Variants in ALOX5 observed in about 807,000 individuals in gnomAD.
The protein encoded by ALOX5 is polyunsaturated fatty acid 5-lipoxygenase.
In ALOX5, 64 loss-of-function variants were observed where a neutral mutation model predicts 87.9. That is an observed-to-expected ratio of 0.73 (90% confidence interval 0.60 to 0.90). The LOEUF (loss-of-function observed/expected upper bound fraction) is 0.90, where lower values mean the gene tolerates loss of function less well. Among genes scored for constraint, ALOX5 ranks in the 40% least tolerant of loss-of-function variants. The pLI is 0.00. For missense variants in ALOX5, 822 were observed against 907.5 expected (o/e 0.91, Z 1.21); for synonymous variants, 388 against 355.1 (o/e 1.09, Z -1.04).
chr10:45,398,229 G>A (rs1447532563), intron 3 of ALOX5, among the ~76,000 whole-genome samples: 1 of 152,202 alleles, frequency 6.6e-6, no homozygotes, highest in Non-Finnish European at 1.5e-5. Flanking sequence ...GAAGCAGCAA[G>A]ACAGTTTAAC....
At position 45,443,777 on chromosome 10, in the gene ALOX5, C is replaced by T; in HGVS notation, c.1623C>T (p.Thr541=). Residue 541 remains threonine (T), a synonymous_variant, in exon 12 of 14, where the codon ACC becomes ACT. Transcript: ENST00000374391. ...GGGAGCAGCTGTCGGAGTACCTGACCGTGGTGATCTTCACCGCCTCCGCCC... is the reference window on the plus strand; with the variant it reads ...GGGAGCAGCTGTCGGAGTACCTGACTGTGGTGATCTTCACCGCCTCCGCCC... ...KSREQLSEYL[T]VVIFTASAQH... is the part of the protein sequence containing the mutation. The T allele has an allele frequency of 1.2e-6, 2 of 1,612,376 alleles. No individual in the cohort carries two copies. The highest frequency in any genetic ancestry group is 8.5e-7 in the Non-Finnish European group (1 of 1,179,430).
intron 3 of ALOX5, among the ~76,000 whole-genome samples, chr10:45,407,959 T>A (rs191167161): frequency 6.6e-6 from 1 of 152,318 alleles, no homozygotes; most frequent in Non-Finnish European, 1.5e-5. Context: ...AGCTTGACAT[T>A]TCCCTTTGGC....
At chr10:45,408,409 A>T (rs1041956589) in intron 3 of ALOX5, among the ~76,000 whole-genome samples, 16 of 152,352 alleles carry the variant, frequency 1.1e-4, no homozygotes, top group African/African-American at 3.8e-4. Context: ...GGCAGATTCA[A>T]AGAGTTTCTG....
Position 45,440,691 on chromosome 10 carries a change from G to C in ALOX5, c.1185+58G>C, listed in dbSNP as rs1008637800. The stretch of plus-strand genomic sequence containing the variant: ...AGGGCATCTGAGATGTGGAGTGGGA[G>C]GGATCACTGACATCCCACAGGGGGA... On this transcript the variant is annotated intron_variant, in intron 8 of 13. Coordinates refer to ENST00000374391, the MANE Select transcript of ALOX5 (RefSeq NM_000698.5). 7.7e-6 allele frequency: 12 copies of C among 1,560,996 alleles called. No homozygotes were observed. The South Asian group carries it at 1.4e-4, about 18-fold the overall frequency.
At chr10:45,391,893 T>G (rs34737297) in intron 2 of ALOX5, among the ~76,000 whole-genome samples, 81,677 of 128,516 alleles carry the variant, frequency 0.64, 24,239 homozygotes, top group East Asian at 0.86. Context: ...CAGCCGCCCC[T>G]TCTGAGAAGT....
At position 45,428,705 on chromosome 10, in the gene ALOX5, G is replaced by A. The variant is rs28395872; in HGVS notation, c.922G>A (p.Ala308Thr). The change falls in exon 7 of 14, where the codon GCT (alanine) becomes ACT (threonine). Residue 308 changes from alanine to threonine, a missense_variant. Physicochemically the swap from Ala to Thr is moderately conservative, Grantham distance 58. Transcript: ENST00000374391. ...TDPCTLQFLA[A>T]PICLLYKNLA... ...CCCCTGCACACTCCAGTTCCTGGCC[G>A]CTCCCATCTGCTTGCTGTATAAGAA... The A allele has an allele frequency of 1.7e-5, 28 of 1,613,906 alleles. No individual in the cohort carries two copies. The Admixed American group carries it at 3.2e-4, about 18-fold the overall frequency.
intron 2 of ALOX5, among the ~76,000 whole-genome samples, chr10:45,390,287 CAG>C (rs779763317): frequency 3.3e-4 from 50 of 152,304 alleles, no homozygotes; most frequent in Admixed American, 1.1e-3. Flanking sequence ...ATCAATGAGA[CAG>C]AAAGTTAACA....
Position 45,429,607 on chromosome 10 carries a change from C to T in ALOX5, c.981+843C>T, listed in dbSNP as rs527749897. 2.0e-3 allele frequency among the ~76,000 whole-genome samples: 297 copies of T among 152,274 alleles called. 2 individuals carry two copies. Among genetic ancestry groups the T allele is most frequent in the Middle Eastern group, 0.01 (3 of 294 alleles). The stretch of plus-strand genomic sequence containing the variant: ...GCAAATTCATTGTTTGTAAACAAAC[C>T]TTCTTTGAAGCAATAGGTGAGGTTA... On this transcript the variant is annotated intron_variant, in intron 7 of 13. Transcript: ENST00000374391.
chr10:45,427,216 T>C (rs1841740624), intron 6 of ALOX5, among the ~76,000 whole-genome samples: 1 of 152,120 alleles, frequency 6.6e-6, no homozygotes, highest in African/African-American at 2.4e-5. Flanking sequence ...GCCTGGGTGG[T>C]CTCAAGATTG....
At chr10:45,418,734 C>T (rs1034705087) in intron 4 of ALOX5, among the ~76,000 whole-genome samples, 1 of 152,138 alleles carries the variant, frequency 6.6e-6, no homozygotes, top group African/African-American at 2.4e-5. Context: ...GCCAGGCCGC[C>T]GAGAGCCAAG....
intron 4 of ALOX5, among the ~76,000 whole-genome samples, chr10:45,420,284 A>G (rs1841455487): frequency 6.6e-6 from 1 of 152,236 alleles, no homozygotes; most frequent in African/African-American, 2.4e-5. Flanking sequence ...GTAGGGTGGT[A>G]TCCCATCTAA....
intron 2 of ALOX5, among the ~76,000 whole-genome samples, chr10:45,387,811 T>C (rs1840058384): frequency 1.3e-5 from 2 of 152,248 alleles, no homozygotes; most frequent in Non-Finnish European, 2.9e-5. Flanking sequence ...GAAAATTCAC[T>C]AATTCAGACT....
chr10:45,437,406 A>G (rs1589045291), intron 7 of ALOX5, among the ~76,000 whole-genome samples: 1 of 152,224 alleles, frequency 6.6e-6, no homozygotes, highest in African/African-American at 2.4e-5. Flanking sequence ...TTGAGTGTAG[A>G]AAGTCAAAAG....
At chr10:45,399,154 G>T (rs1357416527) in intron 3 of ALOX5, among the ~76,000 whole-genome samples, 4 of 152,180 alleles carry the variant, frequency 2.6e-5, no homozygotes, top group Admixed American at 2.6e-4. Context: ...CAACATGGAT[G>T]AATCTCAAAA....
intron 2 of ALOX5, among the ~76,000 whole-genome samples, chr10:45,391,571 G>C (rs1840256760): frequency 6.6e-6 from 1 of 151,778 alleles, no homozygotes; most frequent in Admixed American, 6.6e-5. Context: ...GGGATGTAAG[G>C]AGCCCCTCTG....
Position 45,374,249 on chromosome 10 carries a change from C to T in ALOX5, c.-31C>T. 6.9e-7 allele frequency: 1 copy of T among 1,453,616 alleles called. No individual in the cohort carries two copies. Among genetic ancestry groups the T allele is most frequent in the Non-Finnish European group, 9.1e-7 (1 of 1,102,378 alleles). 90.0% of individuals were successfully genotyped at this position (1,453,616 alleles called of 1,614,324 possible). ...ACACCTGGACCGCCGCGCCGAGGCTCCCGGCGCTCGCTGCTCCCGCGGCCC... is the reference window on the plus strand; with the variant it reads ...ACACCTGGACCGCCGCGCCGAGGCTTCCGGCGCTCGCTGCTCCCGCGGCCC... On this transcript the variant is annotated 5_prime_UTR_variant, in exon 1 of 14. Coordinates refer to ENST00000374391, the MANE Select transcript of ALOX5 (RefSeq NM_000698.5).
intron 7 of ALOX5, among the ~76,000 whole-genome samples, chr10:45,437,435 G>A (rs1330110387): frequency 1.3e-5 from 2 of 152,116 alleles, no homozygotes; most frequent in Admixed American, 6.5e-5. Context: ...TTGTTAAGGA[G>A]TAAATTATGT....
rs746810158 is a variant in ALOX5 at position 45,443,402 on chromosome 10, G to C, written c.1452-14G>C. 2 of 1,597,382 alleles carry C rather than the reference G, an allele frequency of 1.3e-6. No homozygotes were observed. Among genetic ancestry groups the C allele is most frequent in the African/African-American group, 2.7e-5 (2 of 74,680 alleles). On this transcript the variant is annotated splice_polypyrimidine_tract_variant and intron_variant, in intron 10 of 13. Transcript: ENST00000374391. Reference sequence around the variant, plus strand: ...TGGCTGGGTCGCCCACCCCGGCTGCGCCCCCTGAGCCAGGTTCACGGCCGA... The same window carrying C: ...TGGCTGGGTCGCCCACCCCGGCTGCCCCCCCTGAGCCAGGTTCACGGCCGA...
rs976108693 is a variant in ALOX5, at chr10:45,382,787, C to T, written c.349+106C>T. ...GAGGAATGACACTGCTGTGCAGGGG[C>T]GGGAAGTGGGAGGGCTCTGCCCTGT... On this transcript the variant is annotated intron_variant, in intron 2 of 13. Coordinates refer to ENST00000374391, the MANE Select transcript of ALOX5 (RefSeq NM_000698.5). 1.8e-5 allele frequency: 24 copies of T among 1,360,290 alleles called. No homozygotes were observed. The Admixed American group carries it at 3.1e-4, about 18-fold the overall frequency. The allele number at this position is 1,360,290 out of a possible 1,614,324, so 84.3% of individuals were successfully genotyped here.
Sources: gnomAD v4.1 joint callset for allele counts (sites outside exome capture counted in the v4.1 genomes callset) on GRCh38, gnomAD v4.1.1 for gene constraint, MANE v1.5 for transcripts, NCBI Gene and HGNC (gene_info 2026-07-23, HGNC 2026-07-21) for gene names.